USP37: variants seen among roughly 807,000 people sequenced by gnomAD.
The protein encoded by USP37 is ubiquitin carboxyl-terminal hydrolase 37.
A neutral mutation model predicts 124.0 loss-of-function variants in USP37; 27 were observed. The ratio of observed to expected loss-of-function variants is 0.22; its 90% CI spans 0.16 to 0.30. The LOEUF (loss-of-function observed/expected upper bound fraction) is 0.30, where lower values mean the gene tolerates loss of function less well. Among genes scored for constraint, USP37 ranks in the 10% least tolerant of loss-of-function variants. USP37 has a pLI of 1.00. For missense variants in USP37, 889 were observed against 1,140.4 expected (o/e 0.78, Z 3.17); for synonymous variants, 365 against 388.0 (o/e 0.94, Z 0.70).
At chr2:218,557,917 G>A (rs373768393) in intron 4 of USP37, among the ~76,000 whole-genome samples, 1 of 28,688 alleles carries the variant, frequency 3.5e-5, no homozygotes, top group African/African-American at 7.7e-5. Flanking sequence ...GGTGACAGAG[G>A]AAGACTCTGT....
At chr2:218,522,910 G>A (rs1251043974) in intron 10 of USP37, among the ~76,000 whole-genome samples, 2 of 152,126 alleles carry the variant, frequency 1.3e-5, no homozygotes, top group Non-Finnish European at 2.9e-5. Context: ...AGGTCAAGGC[G>A]GGTGGATCAC....
At chr2:218,490,139 C>G (rs1182000564) in intron 14 of USP37, among the ~76,000 whole-genome samples, 3 of 152,080 alleles carry the variant, frequency 2.0e-5, no homozygotes, top group Admixed American at 6.6e-5. Context: ...ATCACGAGAT[C>G]AGGAAATCAA....
chr2:218,495,477 G>A (rs1158106502), intron 14 of USP37, among the ~76,000 whole-genome samples: 1 of 152,188 alleles, frequency 6.6e-6, no homozygotes, highest in Admixed American at 6.5e-5. Flanking sequence ...TGAAAAAAAG[G>A]TTTGATATAA....
intron 8 of USP37, among the ~76,000 whole-genome samples, chr2:218,537,297 G>A (rs999554401): frequency 6.6e-6 from 1 of 152,180 alleles, no homozygotes; most frequent in East Asian, 1.9e-4. Context: ...CTGACCCTAA[G>A]TCTAAAGGTG....
intron 10 of USP37, among the ~76,000 whole-genome samples, chr2:218,513,187 T>C (rs1690094335): frequency 6.6e-6 from 1 of 151,916 alleles, no homozygotes; most frequent in Non-Finnish European, 1.5e-5. Context: ...TGCACCACCA[T>C]GTCTGGCTAA....
chr2:218,499,989 G>A lies in USP37; in HGVS notation c.1026-1832C>T, dbSNP rs559776045. On this transcript the variant is annotated intron_variant, in intron 11 of 25. Coordinates refer to ENST00000258399, the MANE Select transcript of USP37 (RefSeq NM_020935.3). ...TCACTATGTTGCCTAGGCTGGTATT[G>A]AACTCCAGGGCTCAAGCAATCCTCC... is the stretch of plus-strand genomic sequence containing the variant. Among the ~76,000 whole-genome samples, 4 of 152,228 alleles carry A rather than the reference G, an allele frequency of 2.6e-5. No homozygotes were observed. In the South Asian group the frequency reaches 8.3e-4, roughly 32 times the overall value.
chr2:218,467,505 C>G (rs1382792554), intron 20 of USP37, among the ~76,000 whole-genome samples: 2 of 152,154 alleles, frequency 1.3e-5, no homozygotes, highest in African/African-American at 4.8e-5. Context: ...CACGCCACCA[C>G]GCCCGGCTAA....
At chr2:218,563,731 GA>G (rs1693435188) in intron 1 of USP37, among the ~76,000 whole-genome samples, 2 of 152,260 alleles carry the variant, frequency 1.3e-5, no homozygotes, top group East Asian at 3.9e-4. Context: ...ATATAGATGT[GA>G]AGATGATACA....
intron 14 of USP37, among the ~76,000 whole-genome samples, chr2:218,491,386 C>T (rs576779660): frequency 4.3e-4 from 65 of 152,208 alleles, no homozygotes; most frequent in African/African-American, 1.4e-3. Flanking sequence ...GTCCTATAAC[C>T]ATAGGATCTG....
rs548735494 is a variant in USP37 at position 218,459,751 on chromosome 2, T to C, written c.2643+39A>G. The C allele has an allele frequency of 6.4e-6, 10 of 1,566,252 alleles. No homozygotes were observed. The African/African-American group carries it at 1.4e-4, about 21-fold the overall frequency. The stretch of plus-strand genomic sequence containing the variant: ...AAGTAAAGAGTGGGAAGAGTGACAC[T>C]GAATTTGACCAACTGTACTCAGGAA... On this transcript the variant is annotated intron_variant, in intron 23 of 25. Transcript: ENST00000258399.
At chr2:218,551,315 T>C (rs1022373906) in intron 5 of USP37, among the ~76,000 whole-genome samples, 6 of 152,212 alleles carry the variant, frequency 3.9e-5, no homozygotes, top group African/African-American at 1.4e-4. Flanking sequence ...TAAAATAACT[T>C]GCCCAAGATC....
chr2:218,506,472 G>C (rs947560856), intron 11 of USP37, among the ~76,000 whole-genome samples: 2 of 151,148 alleles, frequency 1.3e-5, no homozygotes, highest in African/African-American at 4.9e-5. Flanking sequence ...TCTATTTTTA[G>C]TAGAGATGGG....
At chr2:218,467,275 G>A (rs1239133202) in intron 20 of USP37, among the ~76,000 whole-genome samples, 2 of 149,822 alleles carry the variant, frequency 1.3e-5, no homozygotes, top group East Asian at 4.0e-4. Context: ...CTCCTGAGTA[G>A]CTGGGACTAC....
intron 11 of USP37, among the ~76,000 whole-genome samples, chr2:218,508,907 G>GCA (rs1023983934): frequency 1.3e-5 from 2 of 152,180 alleles, no homozygotes; most frequent in African/African-American, 4.8e-5. Context: ...TGGTATAAAA[G>GCA]CAGTACTTTG....
intron 3 of USP37, among the ~76,000 whole-genome samples, chr2:218,558,940 A>G (rs1693169619): frequency 6.6e-6 from 1 of 152,068 alleles, no homozygotes; most frequent in Non-Finnish European, 1.5e-5. Flanking sequence ...CTTCACCATT[A>G]AAGTGTTGAT....
intron 19 of USP37, among the ~76,000 whole-genome samples, chr2:218,475,871 A>G (rs1690945053): frequency 6.6e-6 from 1 of 151,976 alleles, no homozygotes; most frequent in South Asian, 2.1e-4. Flanking sequence ...GACTGCAGTG[A>G]GCCAAGATCG....
intron 19 of USP37, 68 bp downstream of exon 19, chr2:218,476,772 A>G: frequency 2.7e-6 from 4 of 1,472,986 alleles, no homozygotes; most frequent in Non-Finnish European, 3.6e-6. Context: ...ATGGTTATGA[A>G]AGACATTTGT....
chr2:218,503,241 G>A (rs1004033562), intron 11 of USP37, among the ~76,000 whole-genome samples: 1 of 152,172 alleles, frequency 6.6e-6, no homozygotes, highest in African/African-American at 2.4e-5. Context: ...ACTTAAAACA[G>A]GAAATCATGT....
chr2:218,501,959 C>G (rs1214097789), intron 11 of USP37, among the ~76,000 whole-genome samples: 1 of 152,078 alleles, frequency 6.6e-6, no homozygotes, highest in African/African-American at 2.4e-5. Context: ...TCCACCAGTT[C>G]GAATTTACAC....
Sources: allele counts gnomAD v4.1 joint callset (sites outside exome capture counted in the v4.1 genomes callset), GRCh38; gene constraint gnomAD v4.1.1; transcripts MANE v1.5; gene names NCBI Gene and HGNC (gene_info 2026-07-23, HGNC 2026-07-21).